TMEM163: variants seen among roughly 807,000 people sequenced by gnomAD.
The protein encoded by TMEM163 is transmembrane protein 163.
Under a neutral mutation model 29.3 loss-of-function variants are expected in TMEM163, and 17 were observed. The observed-to-expected ratio is 0.58, with a 90% CI of 0.40 to 0.87. The LOEUF is 0.87. TMEM163 is among the 40% of genes least tolerant of loss of function. The pLI is 0.00. For missense variants in TMEM163, 303 were observed against 381.5 expected, an observed-to-expected ratio of 0.79 and a Z score of 1.71; for synonymous variants, 157 against 160.6, an observed-to-expected ratio of 0.98 and a Z score of 0.17.
chr2:134,476,657 G>A (rs922760227), intron 5 of TMEM163, among the ~76,000 whole-genome samples: 6 of 152,144 alleles, frequency 3.9e-5, no homozygotes, highest in Non-Finnish European at 7.3e-5. Flanking sequence ...AACCACAGTC[G>A]TTGTAAAGAT....
chr2:134,562,637 A>G lies in TMEM163; in HGVS notation c.323-10546T>C, dbSNP rs181502458. ...AGAAAAATACACTGAATAAGGGTCC[A>G]GAGATTTGGCTTAAAGAAACTATGC... On this transcript the variant is annotated intron_variant, in intron 2 of 7. Transcript: ENST00000281924. 2.8e-3 allele frequency among the ~76,000 whole-genome samples: 429 copies of G among 152,366 alleles called. 2 individuals are homozygous for G. Among genetic ancestry groups the G allele is most frequent in the African/African-American group, 9.9e-3 (413 of 41,596 alleles).
At chr2:134,516,767 GTGC>G (rs1371139962) in intron 4 of TMEM163, among the ~76,000 whole-genome samples, 6 of 105,800 alleles carry the variant, frequency 5.7e-5, no homozygotes, top group Non-Finnish European at 1.3e-4. Flanking sequence ...AGATATATAT[GTGC>G]ATATCTATTC....
intron 5 of TMEM163, among the ~76,000 whole-genome samples, chr2:134,473,902 A>G (rs534390690): frequency 2.7e-4 from 41 of 152,360 alleles, no homozygotes; most frequent in African/African-American, 8.9e-4. Context: ...TCAGGCCCCA[A>G]TGCTTTTACT....
chr2:134,550,528 G>A (rs778947827), intron 4 of TMEM163, 42 bp downstream of exon 4: 77 of 1,592,796 alleles, frequency 4.8e-5, no homozygotes, highest in Admixed American at 1.2e-4. Flanking sequence ...GCCTTCATCT[G>A]CACGGGTTCT....
chr2:134,638,514 G>A (rs1467109376), intron 2 of TMEM163, among the ~76,000 whole-genome samples: 2 of 152,186 alleles, frequency 1.3e-5, no homozygotes, highest in African/African-American at 4.8e-5. Context: ...AGGATTAAAG[G>A]AAGGAGATGA....
chr2:134,463,897 C>A (rs1422229519), intron 6 of TMEM163, among the ~76,000 whole-genome samples: 2 of 152,188 alleles, frequency 1.3e-5, no homozygotes, highest in Non-Finnish European at 2.9e-5. Flanking sequence ...CCGACTTCTC[C>A]CAGCCTGGCA....
At chr2:134,522,452 C>T (rs577039238) in intron 4 of TMEM163, among the ~76,000 whole-genome samples, 1 of 152,362 alleles carries the variant, frequency 6.6e-6, no homozygotes, top group South Asian at 2.1e-4. Context: ...AGAAACTAAG[C>T]CATCTTGGCA....
chr2:134,459,460 T>A (rs969905247), intron 6 of TMEM163, among the ~76,000 whole-genome samples: 1 of 151,992 alleles, frequency 6.6e-6, no homozygotes, highest in Non-Finnish European at 1.5e-5. Context: ...GTTCTTGCGA[T>A]GTTCCTCCCT....
intron 4 of TMEM163, among the ~76,000 whole-genome samples, chr2:134,523,642 C>A (rs1355324772): frequency 6.6e-6 from 1 of 152,168 alleles, no homozygotes; most frequent in Admixed American, 6.5e-5. Flanking sequence ...TTACTCTGAT[C>A]GTGGTGAGGC....
intron 2 of TMEM163, among the ~76,000 whole-genome samples, chr2:134,707,257 G>A (rs1373318058): frequency 6.6e-6 from 1 of 152,226 alleles, no homozygotes; most frequent in African/African-American, 2.4e-5. Flanking sequence ...GCCCGGGGCT[G>A]TGAAAAGTCC....
chr2:134,596,536 T>C (rs1452493128), intron 2 of TMEM163, among the ~76,000 whole-genome samples: 1 of 152,214 alleles, frequency 6.6e-6, no homozygotes, highest in African/African-American at 2.4e-5. Flanking sequence ...TAGTTTGAAG[T>C]CAGATAGCGT....
At chr2:134,530,645 A>G (rs1012648767) in intron 4 of TMEM163, among the ~76,000 whole-genome samples, 1 of 152,090 alleles carries the variant, frequency 6.6e-6, no homozygotes, top group African/African-American at 2.4e-5. Flanking sequence ...TACCCAAACC[A>G]TTTTTATTCT....
chr2:134,462,879 G>C (rs1437362822), intron 6 of TMEM163, among the ~76,000 whole-genome samples: 1 of 152,218 alleles, frequency 6.6e-6, no homozygotes, highest in African/African-American at 2.4e-5. Context: ...TCTTGCTGGG[G>C]CTCTGACTGC....
At chr2:134,604,495 T>A (rs897183214) in intron 2 of TMEM163, among the ~76,000 whole-genome samples, 2 of 149,932 alleles carry the variant, frequency 1.3e-5, no homozygotes, top group African/African-American at 4.9e-5. Context: ...CCAATGTTCA[T>A]GTAAAGAGAT....
At chr2:134,605,001 G>A (rs1488301993) in intron 2 of TMEM163, among the ~76,000 whole-genome samples, 3 of 152,006 alleles carry the variant, frequency 2.0e-5, no homozygotes, top group African/African-American at 7.3e-5. Flanking sequence ...CCAACATGGT[G>A]AAACCCTGTC....
At chr2:134,713,679 C>A (rs1684976570) in intron 1 of TMEM163, 1 of 468,062 alleles carries the variant, frequency 2.1e-6, no homozygotes, top group Non-Finnish European at 4.3e-6. Flanking sequence ...GCCCACAAGA[C>A]CTTTCTGTTA....
chr2:134,659,285 A>G (rs56143948), intron 2 of TMEM163, among the ~76,000 whole-genome samples: 22,927 of 152,234 alleles, frequency 0.15, 2,567 homozygotes, highest in African/African-American at 0.32. Context: ...TCATGTATGC[A>G]GTGGACCCAA....
chr2:134,708,428 ATT>A (rs1356673510), intron 2 of TMEM163, among the ~76,000 whole-genome samples: 1 of 152,166 alleles, frequency 6.6e-6, no homozygotes, highest in Non-Finnish European at 1.5e-5. Context: ...ATATCTTACC[ATT>A]TTTAAGGGTT....
chr2:134,579,257 A>G (rs543683502), intron 2 of TMEM163, among the ~76,000 whole-genome samples: 1 of 152,336 alleles, frequency 6.6e-6, no homozygotes, highest in East Asian at 1.9e-4. Context: ...CAGTTTATCA[A>G]AGCATTTATA....
Sources: gnomAD v4.1 joint callset for allele counts (sites outside exome capture counted in the v4.1 genomes callset) on GRCh38, gnomAD v4.1.1 for gene constraint, MANE v1.5 for transcripts, NCBI Gene and HGNC (gene_info 2026-07-23, HGNC 2026-07-21) for gene names.